KMT2D: variants seen among roughly 807,000 people sequenced by gnomAD.
The protein encoded by KMT2D is histone-lysine N-methyltransferase 2D.
In KMT2D, 55 loss-of-function variants were observed where a neutral mutation model predicts 512.7. The observed-to-expected ratio is 0.11, with a 90% CI of 0.09 to 0.13. KMT2D has a LOEUF of 0.13. Ranked by LOEUF, KMT2D falls within the 10% of genes least tolerant of loss-of-function variation. KMT2D has a pLI of 1.00. For synonymous variants in KMT2D, 2,995 were observed against 2,904.0 expected, an observed-to-expected ratio of 1.03 and a Z score of -1.01; for missense variants, 6,061 against 7,127.9, an observed-to-expected ratio of 0.85 and a Z score of 5.39.
rs746721950 is a variant in KMT2D, at chr12:49,022,719, G to A, written c.16209C>T (p.Arg5403=). 3 of 1,614,006 alleles carry A rather than the reference G, an allele frequency of 1.9e-6. No homozygotes were observed. The East Asian group carries it at 6.7e-5, about 36-fold the overall frequency. ...AGAGCCCCAGGCCCTGGATACGGGAGCGAGCCAGGTACACGTTGTTCTTCC... is the reference window on the plus strand; with the variant it reads ...AGAGCCCCAGGCCCTGGATACGGGAACGAGCCAGGTACACGTTGTTCTTCC... The part of the protein sequence containing the change: ...TEWKNNVYLA[R]SRIQGLGLYA... The change falls in exon 52 of 55, where the codon CGC becomes CGT. Residue 5403 remains arginine (R), a synonymous_variant. Coordinates refer to ENST00000301067, the MANE Select transcript of KMT2D (RefSeq NM_003482.4). The surrounding 1 kb of genome is among the most constrained non-coding windows in gnomAD (Gnocchi z 8.6).
chr12:49,034,682 G>C lies in KMT2D; in HGVS notation c.10356-16C>G, dbSNP rs756081033. ...CACTTGCTGTCTGGAGTCCACCAAAGCACAGAAGATAAGTGTTGGCAATAA... is the reference window on the plus strand; with the variant it reads ...CACTTGCTGTCTGGAGTCCACCAAACCACAGAAGATAAGTGTTGGCAATAA... On this transcript the variant is annotated splice_polypyrimidine_tract_variant and intron_variant, in intron 36 of 54. Coordinates refer to ENST00000301067, the MANE Select transcript of KMT2D (RefSeq NM_003482.4). 1 of 1,611,996 alleles carries C rather than the reference G, an allele frequency of 6.2e-7. No individual in the cohort carries two copies. Among genetic ancestry groups the C allele is most frequent in the East Asian group, 2.2e-5 (1 of 44,826 alleles).
chr12:49,029,605 A>C, intron 43 of KMT2D, 129 bp from the exon 44 acceptor site: 1 of 653,742 alleles, frequency 1.5e-6, no homozygotes, highest in African/African-American at 1.8e-5. Context: ...CCCACCTACC[A>C]GTTTGGGGCA....
Position 49,041,407 on chromosome 12 carries a change from G to A in KMT2D, c.6363C>T (p.Ala2121=), listed in dbSNP as rs1159248963. The change falls in exon 32 of 55, where the codon GCC becomes GCT. Residue 2121 remains alanine (A), a synonymous_variant. Transcript: ENST00000301067. The surrounding 1 kb of genome is among the most constrained non-coding windows in gnomAD (Gnocchi z 5.4). ...TGGGGCTGCCAATGAAAATGGTGGG[G>A]GCAGCAGCGGGGGGCGGGCTGCCCA... The part of the protein sequence containing the change: ...GALGSPPPAA[A]PTIFIGSPTT... 1 of 1,607,564 alleles carries A rather than the reference G, an allele frequency of 6.2e-7. No individual in the cohort carries two copies. Among genetic ancestry groups the A allele is most frequent in the Non-Finnish European group, 8.5e-7 (1 of 1,175,912 alleles).
rs545974412 is a variant in KMT2D, at chr12:49,021,192, G to C, written c.*588C>G. ...CCTCTTTCCCGTTCATGTTGCATTT[G>C]TCAGAGTGGAAAACAAGGAAACACA... On this transcript the variant is annotated 3_prime_UTR_variant, in exon 55 of 55. Coordinates refer to ENST00000301067, the MANE Select transcript of KMT2D (RefSeq NM_003482.4). The C allele has an allele frequency of 1.5e-5, 3 of 199,850 alleles. No individual in the cohort carries two copies. Among genetic ancestry groups the C allele is most frequent in the Non-Finnish European group, 3.1e-5 (3 of 96,756 alleles). 12.4% of individuals were successfully genotyped at this position (199,850 alleles called of 1,614,324 possible).
In KMT2D at chr12:49,024,895, T is replaced by G. The variant is rs2137711872; in HGVS notation, c.15836A>C (p.Asp5279Ala). 6.2e-7 allele frequency: 1 copy of G among 1,603,082 alleles called. No individual in the cohort carries two copies. The highest frequency in any genetic ancestry group is 8.5e-7 in the Non-Finnish European group (1 of 1,174,994). Residue 5279 changes from aspartate to alanine, a missense_variant, in exon 50 of 55, where the codon GAC (aspartate) becomes GCC (alanine). Physicochemically the swap from Asp to Ala is moderately radical, Grantham distance 126. Around this residue, in one of 16 missense-constraint regions of KMT2D, gnomAD observed 261 missense variants for 440.7 expected, o/e 0.59. Coordinates refer to ENST00000301067, the MANE Select transcript of KMT2D (RefSeq NM_003482.4). The surrounding 1 kb of genome is among the most constrained non-coding windows in gnomAD (Gnocchi z 4.5). ...EPVAAMRKEA[D>A]MLRLFPEYLK... ...ATACTCAGGGAAGAGTCGCAGCATG[T>G]CAGCCTCTTTTCTCATGGCAGCCAC... is the stretch of plus-strand genomic sequence containing the variant.
At position 49,052,019 on chromosome 12, in the gene KMT2D, G is replaced by A. The variant is rs2120680269; in HGVS notation, c.1664C>T (p.Ser555Phe). Residue 555 changes from serine (S) to phenylalanine (F), a missense_variant, in exon 11 of 55, where the codon TCC becomes TTC. This residue lies in a region of KMT2D where 848 missense variants were observed against 838.5 expected (regional missense o/e 1.01). Transcript: ENST00000301067. ...LSPPFEESPL[S>F]PPPEELPTSP... ...AGTGGGCAATTCCTCAGGTGGCGGG[G>A]ACAAAGGAGATTCTTCAAATGGTGG... 1 of 1,613,410 alleles carries A rather than the reference G, an allele frequency of 6.2e-7. No individual in the cohort carries two copies. Among genetic ancestry groups the A allele is most frequent in the Non-Finnish European group, 8.5e-7 (1 of 1,179,680 alleles).
In KMT2D at chr12:49,032,864, C is replaced by T. The variant is rs2120435699; in HGVS notation, c.11841G>A (p.Gln3947=). 2 of 1,550,032 alleles carry T rather than the reference C, an allele frequency of 1.3e-6. No individual in the cohort carries two copies. Among genetic ancestry groups the T allele is most frequent in the South Asian group, 2.4e-5 (2 of 83,976 alleles). ...QQQLQQQQQQ[Q]LQQQQQQLQQ... Reference sequence around the variant, plus strand: ...GTAGCTGCTGTTGCTGCTGTTGAAGCTGTTGCTGCTGCTGTTGTTGAAGCT... The same window carrying T: ...GTAGCTGCTGTTGCTGCTGTTGAAGTTGTTGCTGCTGCTGTTGTTGAAGCT... The change falls in exon 40 of 55, where the codon CAG becomes CAA. Residue 3947 remains glutamine, a synonymous_variant. Transcript: ENST00000301067.
chr12:49,021,569 G>T lies in KMT2D; in HGVS notation c.*211C>A. On this transcript the variant is annotated 3_prime_UTR_variant, in exon 55 of 55. Coordinates refer to ENST00000301067, the MANE Select transcript of KMT2D (RefSeq NM_003482.4). ...CTGGGGGCAGAGATGCCAGCCTGAGGGCCGGTGGTGGGGAAGAGGATTGTC... is the reference window on the plus strand; with the variant it reads ...CTGGGGGCAGAGATGCCAGCCTGAGTGCCGGTGGTGGGGAAGAGGATTGTC... 1 of 558,178 alleles carries T rather than the reference G, an allele frequency of 1.8e-6. No homozygotes were observed. The highest frequency in any genetic ancestry group is 3.2e-6 in the Non-Finnish European group (1 of 314,466). 34.6% of individuals were successfully genotyped at this position (558,178 alleles called of 1,614,324 possible). A position where few individuals can be genotyped will look rare whatever the true frequency, so the allele number is the denominator to read the frequency against.
At chr12:49,028,702 G>A in intron 46 of KMT2D, 126 bp downstream of exon 46, 1 of 1,258,450 alleles carries the variant, frequency 7.9e-7, no homozygotes, top group Middle Eastern at 2.8e-4. Flanking sequence ...TCTAGCCCAG[G>A]CTTTCACATA....
At position 49,031,020 on chromosome 12, in the gene KMT2D, C is replaced by A. The variant is rs2120413742; in HGVS notation, c.13544G>T (p.Arg4515Met). 1 of 1,613,860 alleles carries A rather than the reference C, an allele frequency of 6.2e-7. No individual in the cohort carries two copies. Among genetic ancestry groups the A allele is most frequent in the Non-Finnish European group, 8.5e-7 (1 of 1,179,848 alleles). The change falls in exon 41 of 55, where the codon AGG becomes ATG. Residue 4515 changes from arginine (R) to methionine (M), a missense_variant. By Grantham distance (91) the Arg-to-Met change is moderately conservative. Coordinates refer to ENST00000301067, the MANE Select transcript of KMT2D (RefSeq NM_003482.4). ...CTTGGGCTTCGGTGTCAAAGGCTTC[C>A]TTGCTGCTGCATCCTAAGCCAAATA... is the stretch of plus-strand genomic sequence containing the variant. Reference protein sequence around the residue: ...TPSNKEDAAARKPLTPKPKRV... With the variant: ...TPSNKEDAAAMKPLTPKPKRV...
rs998944465 is a variant in KMT2D, at chr12:49,040,815, G to A, written c.6955C>T (p.Leu2319=). 6.2e-7 allele frequency: 1 copy of A among 1,613,722 alleles called. No homozygotes were observed. Among genetic ancestry groups the A allele is most frequent in the Non-Finnish European group, 8.5e-7 (1 of 1,179,742 alleles). Residue 2319 remains leucine, a synonymous_variant, in exon 32 of 55, where the codon CTG becomes TTG. Transcript: ENST00000301067. ...AAGACATCAGGTGTCTTTAACTCCA[G>A]GCCACCCAGGTGGGTGCCTGAGGAG... is the stretch of plus-strand genomic sequence containing the variant. The part of the protein sequence containing the change: ...SPSSGTHLGG[L]ELKTPDVFKA...
In KMT2D at chr12:49,050,323, T is replaced by C; in HGVS notation, c.3265A>G (p.Ser1089Gly). The change falls in exon 12 of 55, where the codon AGT becomes GGT. Residue 1089 changes from serine to glycine, a missense_variant. Transcript: ENST00000301067. ...GGGGAAGGGAGAGGACTGGTGGCAC[T>C]GGGTTCCAAGGCTGGGCATTCAGGT... The part of the protein sequence containing the change: ...SEPECPALEP[S>G]ATSPLPSPMG... The C allele has an allele frequency of 1.9e-6, 3 of 1,611,346 alleles. No homozygotes were observed. The highest frequency in any genetic ancestry group is 2.5e-6 in the Non-Finnish European group (3 of 1,178,696).
At chr12:49,049,626 G>A (rs1565811994) in intron 12 of KMT2D, 56 bp downstream of exon 12, 3 of 1,507,750 alleles carry the variant, frequency 2.0e-6, no homozygotes, top group Non-Finnish European at 2.7e-6. Flanking sequence ...ACACAGGACT[G>A]TACCTCTGAC....
chr12:49,035,075 G>T, intron 35 of KMT2D, 140 bp from the exon 36 acceptor site: 1 of 1,061,850 alleles, frequency 9.4e-7, no homozygotes, highest in Non-Finnish European at 1.4e-6. Flanking sequence ...TGAATTAGGA[G>T]CCAGTCGGCC....
intron 1 of KMT2D, among the ~76,000 whole-genome samples, chr12:49,055,618 G>C (rs1938362369): frequency 6.6e-6 from 1 of 152,200 alleles, no homozygotes; most frequent in South Asian, 2.1e-4. Context: ...AGGCTCCTCT[G>C]TAAGAGTTCC....
At position 49,026,086 on chromosome 12, in the gene KMT2D, A is replaced by G; in HGVS notation, c.15784+96T>C. On this transcript the variant is annotated intron_variant, in intron 49 of 54. Transcript: ENST00000301067. The surrounding 1 kb of genome is among the most constrained non-coding windows in gnomAD (Gnocchi z 9.6). The stretch of plus-strand genomic sequence containing the variant: ...AGGTGGGGGAAGGAGGATCATTCAC[A>G]TAGAAGCTACAGGTCCTCTTATAGA... 1.8e-5 allele frequency: 22 copies of G among 1,217,634 alleles called. No homozygotes were observed. Among genetic ancestry groups the G allele is most frequent in the Non-Finnish European group, 2.3e-5 (20 of 880,160 alleles). The allele number at this position is 1,217,634 out of a possible 1,614,324, so 75.4% of individuals were successfully genotyped here.
rs1337231151 is a variant in KMT2D at position 49,022,446 on chromosome 12, G to A, written c.16339-93C>T. The A allele has an allele frequency of 6.7e-7, 1 of 1,486,268 alleles. No individual in the cohort carries two copies. The highest frequency in any genetic ancestry group is 9.3e-7 in the Non-Finnish European group (1 of 1,077,654). 92.1% of individuals were successfully genotyped at this position (1,486,268 alleles called of 1,614,324 possible). On this transcript the variant is annotated intron_variant, in intron 52 of 54. Transcript: ENST00000301067. The surrounding 1 kb of genome is among the most constrained non-coding windows in gnomAD (Gnocchi z 8.6). ...CAGGTAGGAGACTCAGGCAGTGGGGGCTTTTGTTGCATGTACTTCATTTCT... is the reference window on the plus strand; with the variant it reads ...CAGGTAGGAGACTCAGGCAGTGGGGACTTTTGTTGCATGTACTTCATTTCT...
rs369147555 is a variant in KMT2D at position 49,034,396 on chromosome 12, C to G, written c.10507+14G>C. On this transcript the variant is annotated intron_variant, in intron 38 of 54. Coordinates refer to ENST00000301067, the MANE Select transcript of KMT2D (RefSeq NM_003482.4). ...ACCACTCCCCTGCACCTTCCTCCCA[C>G]GCCCCATACTCACTGATCACTCCCT... The G allele has an allele frequency of 1.9e-6, 3 of 1,613,658 alleles. No homozygotes were observed. The highest frequency in any genetic ancestry group is 2.5e-6 in the Non-Finnish European group (3 of 1,179,754).
Position 49,043,829 on chromosome 12 carries a change from C to T in KMT2D, c.5319+39G>A, listed in dbSNP as rs774457402. ...ACAGTTTTCTTCATGCCCTGCAGGGCACAGACACCTCCCTCACTGCTTGGA... is the reference window on the plus strand; with the variant it reads ...ACAGTTTTCTTCATGCCCTGCAGGGTACAGACACCTCCCTCACTGCTTGGA... On this transcript the variant is annotated intron_variant, in intron 23 of 54. Coordinates refer to ENST00000301067, the MANE Select transcript of KMT2D (RefSeq NM_003482.4). 6.2e-6 allele frequency: 10 copies of T among 1,613,952 alleles called. No individual in the cohort carries two copies. In the Admixed American group the frequency reaches 1.5e-4, roughly 24 times the overall value.
Sources: allele counts gnomAD v4.1 joint callset (sites outside exome capture counted in the v4.1 genomes callset), GRCh38; gene constraint gnomAD v4.1.1; regional missense constraint gnomAD v4.1.1; non-coding constraint Gnocchi (gnomAD v3.1); transcripts MANE v1.5; gene names NCBI Gene and HGNC (gene_info 2026-07-23, HGNC 2026-07-21).